Variants in SCHIP1 observed in about 807,000 individuals in gnomAD.
SCHIP1 encodes schwannomin interacting protein 1.
In SCHIP1, 8 loss-of-function variants were observed where a neutral mutation model predicts 29.7. The observed-to-expected ratio is 0.27, with a 90% CI of 0.16 to 0.49. The LOEUF is 0.49. Ranked by LOEUF, SCHIP1 falls within the 20% of genes least tolerant of loss-of-function variation. The pLI is 0.99. For missense variants in SCHIP1, 193 were observed against 294.6 expected, an observed-to-expected ratio of 0.66 and a Z score of 2.52; for synonymous variants, 76 against 94.9, an observed-to-expected ratio of 0.80 and a Z score of 1.16.
At chr3:159,497,878 C>G in the SCHIP1 span, among the ~76,000 whole-genome samples, 1 of 152,152 alleles carries the variant, frequency 6.6e-6, no homozygotes, top group Non-Finnish European at 1.5e-5. Context: ...ACTGCTGGCT[C>G]TCCGATGTCA....
chr3:159,832,653 C>T, the SCHIP1 span, among the ~76,000 whole-genome samples: 3 of 152,134 alleles, frequency 2.0e-5, no homozygotes, highest in South Asian at 2.1e-4. Flanking sequence ...TTTTCTCCTC[C>T]GCGTCCCTGC....
the SCHIP1 span, among the ~76,000 whole-genome samples, chr3:159,394,781 T>C: frequency 6.6e-6 from 1 of 152,172 alleles, no homozygotes; most frequent in Admixed American, 6.5e-5. Flanking sequence ...ATTCTCTTTT[T>C]TGGTTGTGTC....
At chr3:159,894,660 T>C (rs1717879637) in intron 6 of SCHIP1, 1 of 150,656 alleles carries the variant, frequency 6.6e-6, no homozygotes, top group Non-Finnish European at 1.5e-5. Context: ...CCCCAGAGCC[T>C]AGCACAGGGC....
chr3:159,274,605 A>G, the SCHIP1 span: 13 of 824,762 alleles, frequency 1.6e-5, no homozygotes, highest in Non-Finnish European at 4.4e-6. Context: ...CTTTTAGACT[A>G]TCAAATTTGT....
chr3:159,344,682 T>A, the SCHIP1 span, among the ~76,000 whole-genome samples: 1 of 152,172 alleles, frequency 6.6e-6, no homozygotes, highest in South Asian at 2.1e-4. Flanking sequence ...AAGAGGAGCC[T>A]AAATAAACAT....
chr3:159,766,213 A>G, the SCHIP1 span, among the ~76,000 whole-genome samples: 1 of 152,048 alleles, frequency 6.6e-6, no homozygotes, highest in South Asian at 2.1e-4. Context: ...TTGCGGGTGT[A>G]ATTTTTGCGA....
At chr3:159,677,399 C>T in the SCHIP1 span, among the ~76,000 whole-genome samples, 8 of 152,108 alleles carry the variant, frequency 5.3e-5, no homozygotes, top group East Asian at 1.9e-4. Flanking sequence ...ATGCAGACAA[C>T]GCCCCATGGT....
At chr3:159,468,756 A>AAT in the SCHIP1 span, among the ~76,000 whole-genome samples, 4,434 of 123,740 alleles carry the variant, frequency 0.036, 248 homozygotes, top group African/African-American at 0.11. Context: ...TATATAATAT[A>AAT]ATATATATAT....
chr3:159,629,613 G>A, the SCHIP1 span, among the ~76,000 whole-genome samples: 3,188 of 152,262 alleles, frequency 0.021, 63 homozygotes, highest in African/African-American at 0.049. Context: ...CCTGGGGCAA[G>A]TCACAGCCTC....
the SCHIP1 span, among the ~76,000 whole-genome samples, chr3:159,432,357 AGAGAGG>A: frequency 1.3e-5 from 2 of 149,644 alleles, no homozygotes; most frequent in South Asian, 2.1e-4. Flanking sequence ...AGAGAGAGAG[AGAGAGG>A]GAGAGAGAGA....
At chr3:159,828,020 AT>A in the SCHIP1 span, among the ~76,000 whole-genome samples, 34 of 150,504 alleles carry the variant, frequency 2.3e-4, no homozygotes, top group African/African-American at 6.6e-4. Flanking sequence ...TTGAAATCTA[AT>A]TTTTTTTTGT....
the SCHIP1 span, among the ~76,000 whole-genome samples, chr3:159,601,015 C>T: frequency 6.6e-6 from 1 of 152,178 alleles, no homozygotes; most frequent in African/African-American, 2.4e-5. Context: ...GCCTGGAAAG[C>T]CAGGTGGGCC....
intron 6 of SCHIP1, among the ~76,000 whole-genome samples, chr3:159,895,258 T>C (rs534025631): frequency 1.3e-5 from 2 of 152,332 alleles, no homozygotes; most frequent in South Asian, 2.1e-4. Context: ...GTTCCATTTA[T>C]TTATGGGCTG....
At chr3:159,376,986 A>G in the SCHIP1 span, among the ~76,000 whole-genome samples, 1 of 152,236 alleles carries the variant, frequency 6.6e-6, no homozygotes, top group Non-Finnish European at 1.5e-5. Context: ...TTCTCTCTTC[A>G]CAGGCTAATT....
the SCHIP1 span, among the ~76,000 whole-genome samples, chr3:159,657,518 T>A: frequency 3.8e-4 from 58 of 152,286 alleles, no homozygotes; most frequent in African/African-American, 1.4e-3. Flanking sequence ...TAAATCCATG[T>A]CAAGTGGAGA....
At chr3:159,582,783 T>TACAC in the SCHIP1 span, among the ~76,000 whole-genome samples, 506 of 84,136 alleles carry the variant, frequency 6.0e-3, 1 homozygote, top group African/African-American at 0.017. Flanking sequence ...CTGAAATATA[T>TACAC]ATATACACAC....
the SCHIP1 span, among the ~76,000 whole-genome samples, chr3:159,678,508 GATAAA>G: frequency 1.3e-5 from 2 of 152,092 alleles, no homozygotes; most frequent in Non-Finnish European, 2.9e-5. Flanking sequence ...TATTAACATT[GATAAA>G]ATATACTTTT....
the SCHIP1 span, among the ~76,000 whole-genome samples, chr3:159,534,379 G>A: frequency 2.0e-5 from 3 of 152,082 alleles, no homozygotes; most frequent in East Asian, 1.9e-4. Flanking sequence ...GATTGCTATC[G>A]CAGATAAAAC....
chr3:159,492,403 T>C, the SCHIP1 span, among the ~76,000 whole-genome samples: 1 of 152,088 alleles, frequency 6.6e-6, no homozygotes, highest in East Asian at 1.9e-4. Flanking sequence ...GAGAAGTCCT[T>C]AAAGGACCTG....
Sources: gnomAD v4.1 joint callset for allele counts (sites outside exome capture counted in the v4.1 genomes callset) on GRCh38, gnomAD v4.1.1 for gene constraint, MANE v1.5 for transcripts, NCBI Gene and HGNC (gene_info 2026-07-23, HGNC 2026-07-21) for gene names.